PTPRD: variants seen among roughly 807,000 people sequenced by gnomAD.
The protein encoded by PTPRD is protein tyrosine phosphatase receptor type D.
PTPRD carries 34 observed loss-of-function variants against 214.5 expected under a neutral mutation model. The observed-to-expected ratio is 0.16, with a 90% CI of 0.12 to 0.21. The LOEUF is 0.21. PTPRD is among the 10% of genes least tolerant of loss of function. PTPRD has a pLI of 1.00. For missense variants in PTPRD, 2,545 were observed against 2,398.7 expected (o/e 1.06, Z -1.27); for synonymous variants, 1,128 against 845.7 (o/e 1.33, Z -5.79).
chr9:9,499,399 G>A (rs2096322410), intron 8 of PTPRD, among the ~76,000 whole-genome samples: 1 of 151,864 alleles, frequency 6.6e-6, no homozygotes, highest in Non-Finnish European at 1.5e-5. Context: ...TATATTTACT[G>A]TTTCTAGACA....
At chr9:8,797,941 G>A (rs567965939) in intron 11 of PTPRD, among the ~76,000 whole-genome samples, 1 of 150,708 alleles carries the variant, frequency 6.6e-6, no homozygotes, top group Non-Finnish European at 1.5e-5. Flanking sequence ...AAAGATCATA[G>A]CTCTCTGCAG....
intron 35 of PTPRD, among the ~76,000 whole-genome samples, chr9:8,421,496 C>G (rs1005302778): frequency 6.6e-6 from 1 of 152,006 alleles, no homozygotes; most frequent in African/African-American, 2.4e-5. Context: ...TTCATAATAG[C>G]AGAAGACACA....
chr9:8,557,185 T>A (rs759837955), intron 14 of PTPRD, among the ~76,000 whole-genome samples: 2 of 151,916 alleles, frequency 1.3e-5, no homozygotes, highest in African/African-American at 4.8e-5. Context: ...TACTCCTTGA[T>A]GAAGATGAAC....
At chr9:9,959,913 A>T in intron 4 of PTPRD, among the ~76,000 whole-genome samples, 1 of 152,320 alleles carries the variant, frequency 6.6e-6, no homozygotes, top group Middle Eastern at 3.4e-3. Flanking sequence ...TTACATATAG[A>T]GATATTTTAG....
intron 4 of PTPRD, among the ~76,000 whole-genome samples, chr9:9,941,804 C>T (rs2091525101): frequency 6.6e-6 from 1 of 152,116 alleles, no homozygotes; most frequent in South Asian, 2.1e-4. Flanking sequence ...TCTGGGAAGC[C>T]TTGCTGGAAA....
At chr9:9,547,118 G>T (rs1197717691) in intron 8 of PTPRD, among the ~76,000 whole-genome samples, 1 of 151,976 alleles carries the variant, frequency 6.6e-6, no homozygotes, top group African/African-American at 2.4e-5. Context: ...TTGCACAAAT[G>T]CCATACCAAA....
At chr9:9,849,050 TA>T (rs1260953429) in intron 5 of PTPRD, among the ~76,000 whole-genome samples, 3 of 151,618 alleles carry the variant, frequency 2.0e-5, no homozygotes, top group Non-Finnish European at 4.4e-5. Flanking sequence ...GATGGTCACT[TA>T]AATACATAGA....
At chr9:9,930,604 A>G (rs1020957340) in intron 5 of PTPRD, among the ~76,000 whole-genome samples, 1 of 152,178 alleles carries the variant, frequency 6.6e-6, no homozygotes, top group African/African-American at 2.4e-5. Context: ...GTGATTATAT[A>G]ATGTAATTTT....
chr9:8,939,342 T>G (rs2099017036), intron 11 of PTPRD, among the ~76,000 whole-genome samples: 1 of 152,114 alleles, frequency 6.6e-6, no homozygotes, highest in Admixed American at 6.6e-5. Context: ...CACTCTAAAG[T>G]CTTTTTGGAT....
chr9:10,094,268 C>T (rs776059441), intron 3 of PTPRD, among the ~76,000 whole-genome samples: 2 of 151,006 alleles, frequency 1.3e-5, no homozygotes, highest in African/African-American at 2.4e-5. Flanking sequence ...ATTCCAACCC[C>T]TAAGAGACCT....
At chr9:8,521,650 A>G (rs2097892743) in intron 19 of PTPRD, 104 bp from the exon 20 acceptor site, 1 of 1,328,662 alleles carries the variant, frequency 7.5e-7, no homozygotes, top group Admixed American at 2.2e-5. Flanking sequence ...CAATTGAAAC[A>G]TTGTGGATTG....
At chr9:9,404,391 G>A (rs113624983) in intron 8 of PTPRD, among the ~76,000 whole-genome samples, 3 of 152,098 alleles carry the variant, frequency 2.0e-5, no homozygotes, top group African/African-American at 7.2e-5. Context: ...TGGAGAGATT[G>A]GTATAGATCT....
At chr9:9,722,920 T>C (rs979405864) in intron 7 of PTPRD, among the ~76,000 whole-genome samples, 3 of 152,114 alleles carry the variant, frequency 2.0e-5, no homozygotes, top group Non-Finnish European at 2.9e-5. Context: ...TTGAGCTCTT[T>C]ATATATTTTA....
chr9:9,149,849 G>C (rs1262750207), intron 10 of PTPRD, among the ~76,000 whole-genome samples: 1 of 152,138 alleles, frequency 6.6e-6, no homozygotes, highest in Non-Finnish European at 1.5e-5. Flanking sequence ...GTATCACTGA[G>C]GCAACTCCAA....
At chr9:8,985,056 C>G (rs574180853) in intron 11 of PTPRD, among the ~76,000 whole-genome samples, 1 of 152,076 alleles carries the variant, frequency 6.6e-6, no homozygotes, top group African/African-American at 2.4e-5. Flanking sequence ...GAATCTAGTT[C>G]AATGGGCTGA....
At chr9:8,891,851 C>G (rs183261422) in intron 11 of PTPRD, among the ~76,000 whole-genome samples, 1 of 152,216 alleles carries the variant, frequency 6.6e-6, no homozygotes, top group East Asian at 1.9e-4. Context: ...TCCCAGCAGT[C>G]GTGGAGTTGG....
At chr9:9,892,184 AATG>A (rs1353563666) in intron 5 of PTPRD, among the ~76,000 whole-genome samples, 13 of 152,134 alleles carry the variant, frequency 8.5e-5, no homozygotes, top group Admixed American at 6.6e-4. Flanking sequence ...TATGAAGAAA[AATG>A]AATCAGCAAA....
At chr9:10,465,208 T>C (rs1340983001) in intron 2 of PTPRD, among the ~76,000 whole-genome samples, 1 of 152,144 alleles carries the variant, frequency 6.6e-6, no homozygotes, top group Non-Finnish European at 1.5e-5. Flanking sequence ...TCAGCAAAGA[T>C]CATTAGCACA....
At chr9:9,445,902 G>A (rs928912755) in intron 8 of PTPRD, among the ~76,000 whole-genome samples, 4 of 152,150 alleles carry the variant, frequency 2.6e-5, no homozygotes, top group African/African-American at 9.7e-5. Flanking sequence ...AAGTTCAAAT[G>A]TGTAAGAAAT....
Sources: gnomAD v4.1 joint callset for allele counts (sites outside exome capture counted in the v4.1 genomes callset) on GRCh38, gnomAD v4.1.1 for gene constraint, MANE v1.5 for transcripts, NCBI Gene and HGNC (gene_info 2026-07-23, HGNC 2026-07-21) for gene names.